The following SAMD14 variants were observed in gnomAD, a reference collection of about 807,000 sequenced individuals.
The protein encoded by SAMD14 is sterile alpha motif domain containing 14.
In SAMD14, 27 loss-of-function variants were observed where a neutral mutation model predicts 46.2. The observed-to-expected ratio is 0.58, with a 90% CI of 0.43 to 0.81. The LOEUF (loss-of-function observed/expected upper bound fraction) is 0.81, where lower values mean the gene tolerates loss of function less well. SAMD14 is among the 30% of genes least tolerant of loss of function. SAMD14 has a pLI of 0.00. For synonymous variants in SAMD14, 241 were observed against 254.3 expected, an observed-to-expected ratio of 0.95 and a Z score of 0.50; for missense variants, 559 against 582.2, an observed-to-expected ratio of 0.96 and a Z score of 0.41.
chr17:50,113,807 G>C, intron 9 of SAMD14, 117 bp downstream of exon 9: 1 of 1,266,438 alleles, frequency 7.9e-7, no homozygotes, highest in Non-Finnish European at 1.1e-6. Flanking sequence ...CAGATGGAGT[G>C]AAAAGGTCAG....
chr17:50,117,333 G>A, intron 4 of SAMD14, 74 bp downstream of exon 4: 1 of 1,246,640 alleles, frequency 8.0e-7, no homozygotes. Flanking sequence ...CGCGGCTGCG[G>A]TGCGCGCCGG....
intron 3 of SAMD14, 37 bp downstream of exon 3, chr17:50,118,123 TG>T: frequency 8.5e-7 from 1 of 1,179,304 alleles, no homozygotes. Context: ...GAGGGAGGGG[TG>T]GGAGGGTGTA....
At chr17:50,118,871 A>G (rs141806842) in intron 2 of SAMD14, among the ~76,000 whole-genome samples, 3 of 152,336 alleles carry the variant, frequency 2.0e-5, no homozygotes, top group African/African-American at 7.2e-5. Flanking sequence ...CGGTGGGGTT[A>G]GGACAGTTAC....
Position 50,124,942 on chromosome 17 carries a change from G to T in SAMD14, c.18C>A (p.Leu6=). MASSK[L]REPVDEVFDL... is the part of the protein sequence containing the mutation. ...CAAAAACTTCATCCACGGGTTCTCG[G>T]AGCTTTGAAGAAGCCATGACTCAAG... Residue 6 remains leucine (L), a synonymous_variant, in exon 2 of 10, where the codon CTC becomes CTA. Transcript: ENST00000330175. The T allele has an allele frequency of 6.2e-7, 1 of 1,614,084 alleles. No homozygotes were observed. The highest frequency in any genetic ancestry group is 1.1e-5 in the South Asian group (1 of 91,070).
At position 50,112,656 on chromosome 17, in the gene SAMD14, T is replaced by C; in HGVS notation, c.*237A>G. ...CTTCATCTGCTCCTCCCCCAGGAAC[T>C]CTGTGCCAAACAAGTCCTCAAAATA... On this transcript the variant is annotated 3_prime_UTR_variant, in exon 10 of 10. Coordinates refer to ENST00000330175, the MANE Select transcript of SAMD14 (RefSeq NM_001257359.2). 1 of 456,270 alleles carries C rather than the reference T, an allele frequency of 2.2e-6. No homozygotes were observed. The highest frequency in any genetic ancestry group is 3.9e-5 in the Admixed American group (1 of 25,608). The allele number at this position is 456,270 out of a possible 1,614,324, so 28.3% of individuals were successfully genotyped here. A position where few individuals can be genotyped will look rare whatever the true frequency, so the allele number is the denominator to read the frequency against.
At chr17:50,128,716 G>C (rs577391522) in intron 1 of SAMD14, among the ~76,000 whole-genome samples, 51 of 152,272 alleles carry the variant, frequency 3.3e-4, no homozygotes, top group African/African-American at 1.1e-3. Flanking sequence ...CCTGGGGAGG[G>C]AGCGGGAGCG....
At position 50,112,912 on chromosome 17, in the gene SAMD14, T is replaced by G; in HGVS notation, c.1235A>C (p.Gln412Pro). The change falls in exon 10 of 10, where the codon CAG becomes CCG. Residue 412 changes from glutamine to proline, a missense_variant. Physicochemically the swap from Gln to Pro is moderately conservative, Grantham distance 76. Transcript: ENST00000330175. ...RQREKLRRRE[Q>P]EAKKS is the part of the protein sequence containing the mutation. ...CCTCCCCTAGCTCTTCTTGGCCTCC[T>G]GCTCTCGGCGCCGGAGCTTCTCCCG... is the stretch of plus-strand genomic sequence containing the variant. The G allele has an allele frequency of 6.2e-7, 1 of 1,606,402 alleles. No individual in the cohort carries two copies. Among genetic ancestry groups the G allele is most frequent in the South Asian group, 1.1e-5 (1 of 91,074 alleles).
chr17:50,126,919 GT>G (rs1911804218), intron 1 of SAMD14, among the ~76,000 whole-genome samples: 1 of 151,578 alleles, frequency 6.6e-6, no homozygotes, highest in South Asian at 2.1e-4. Context: ...GGCCAACATG[GT>G]GAAACCCCGT....
At chr17:50,113,731 C>T in intron 9 of SAMD14, 193 bp downstream of exon 9, 1 of 617,688 alleles carries the variant, frequency 1.6e-6, no homozygotes, top group Non-Finnish European at 2.8e-6. Context: ...ACTAGGGATT[C>T]ATGCTACAAC....
chr17:50,122,050 G>A (rs944361143), intron 2 of SAMD14, among the ~76,000 whole-genome samples: 1 of 152,214 alleles, frequency 6.6e-6, no homozygotes, highest in African/African-American at 2.4e-5. Flanking sequence ...GGGATCAACT[G>A]AATTGCTTAT....
intron 2 of SAMD14, chr17:50,124,167 G>GC (rs1469432195): frequency 8.8e-6 from 4 of 456,054 alleles, no homozygotes; most frequent in African/African-American, 8.0e-5. Flanking sequence ...CCGGCTTTCC[G>GC]CCCCAGTGCA....
rs149885965 is a variant in SAMD14 at position 50,124,758 on chromosome 17, T to TGCACGCGCACAC, written c.43+158_43+159insGTGTGCGCGTGC. Among the ~76,000 whole-genome samples the TGCACGCGCACAC allele has an allele frequency of 3.8e-4, 32 of 85,064 alleles. No individual in the cohort carries two copies. The Admixed American group carries it at 4.5e-3, about 12-fold the overall frequency. The allele number at this position is 85,064 out of a possible 152,430, so 55.8% of individuals were successfully genotyped here. A position where few individuals can be genotyped will look rare whatever the true frequency, so the allele number is the denominator to read the frequency against. ...GGTCAGGCCACAATACCTGCACGCG[T>TGCACGCGCACAC]GCACGCGCGCGCGCACACACACACA... On this transcript the variant is annotated intron_variant, in intron 2 of 9. Coordinates refer to ENST00000330175, the MANE Select transcript of SAMD14 (RefSeq NM_001257359.2).
In SAMD14 at chr17:50,118,193, C is replaced by G. The variant is rs1229603237; in HGVS notation, c.178G>C (p.Asp60His). The change falls in exon 3 of 10, where the codon GAT becomes CAT. Residue 60 changes from aspartate to histidine, a missense_variant. Physicochemically the swap from Asp to His is moderately conservative, Grantham distance 81 (BLOSUM62 -1). Coordinates refer to ENST00000330175, the MANE Select transcript of SAMD14 (RefSeq NM_001257359.2). ...RLRDSASSAE[D>H]GEGSDGPGGK... ...CCGGGCCCATCCGAGCCTTCACCAT[C>G]CTCCGCGGAGCTGGCACTGTCCCGA... 6.2e-7 allele frequency: 1 copy of G among 1,608,618 alleles called. No homozygotes were observed. The highest frequency in any genetic ancestry group is 1.7e-5 in the Admixed American group (1 of 59,602).
Position 50,117,580 on chromosome 17 carries a change from A to G in SAMD14, c.326T>C (p.Leu109Pro), listed in dbSNP as rs1911281113. 6.4e-7 allele frequency: 1 copy of G among 1,553,026 alleles called. No homozygotes were observed. The highest frequency in any genetic ancestry group is 8.6e-7 in the Non-Finnish European group (1 of 1,159,634). The change falls in exon 4 of 10, where the codon CTG (leucine) becomes CCG (proline). Residue 109 changes from leucine (L) to proline (P), a missense_variant. Coordinates refer to ENST00000330175, the MANE Select transcript of SAMD14 (RefSeq NM_001257359.2). Reference sequence around the variant, plus strand: ...CGAGGGCGGCGGCTCGTCCTCGTCCAGGCTGCGCCGCAACCCCGGAGGATC... The same window carrying G: ...CGAGGGCGGCGGCTCGTCCTCGTCCGGGCTGCGCCGCAACCCCGGAGGATC... The part of the protein sequence containing the change: ...CLDPPGLRRS[L>P]DEDEPPPSPL...
rs1055082888 is a variant in SAMD14 at position 50,111,255 on chromosome 17, C to T, written c.*1638G>A. ...CCTGGTGACAGACCTGTTGTCCCAC[C>T]ATACTCAGGGCCCAGCAGAGTCCGG... is the stretch of plus-strand genomic sequence containing the variant. On this transcript the variant is annotated 3_prime_UTR_variant, in exon 10 of 10. Transcript: ENST00000330175. 3.3e-5 allele frequency: 5 copies of T among 152,306 alleles called. No homozygotes were observed. Among genetic ancestry groups the T allele is most frequent in the East Asian group, 1.9e-4 (1 of 5,194 alleles). 9.4% of individuals were successfully genotyped at this position (152,306 alleles called of 1,614,324 possible).
intron 4 of SAMD14, chr17:50,116,405 T>A: frequency 5.5e-6 from 1 of 181,510 alleles, no homozygotes. Flanking sequence ...GCCAACTTTT[T>A]TTTTTTTTTT....
Position 50,110,589 on chromosome 17 carries a change from C to T in SAMD14, c.*2304G>A, listed in dbSNP as rs937334316. 6.6e-6 allele frequency: 1 copy of T among 152,478 alleles called. No individual in the cohort carries two copies. Among genetic ancestry groups the T allele is most frequent in the East Asian group, 1.9e-4 (1 of 5,198 alleles). The allele number at this position is 152,478 out of a possible 1,614,324, so 9.4% of individuals were successfully genotyped here. On this transcript the variant is annotated 3_prime_UTR_variant, in exon 10 of 10. Transcript: ENST00000330175. Reference sequence around the variant, plus strand: ...GGACTGAGTGGGGAAAGGAGTTACACCCGTGAGTGGGGAATGAGGCTGGTC... The same window carrying T: ...GGACTGAGTGGGGAAAGGAGTTACATCCGTGAGTGGGGAATGAGGCTGGTC...
intron 2 of SAMD14, among the ~76,000 whole-genome samples, chr17:50,122,813 G>A (rs1049281854): frequency 6.6e-6 from 1 of 152,122 alleles, no homozygotes; most frequent in Non-Finnish European, 1.5e-5. Flanking sequence ...CTTGGGCTTG[G>A]AGCATCTGGG....
At chr17:50,120,397 T>A (rs1427744726) in intron 2 of SAMD14, among the ~76,000 whole-genome samples, 2 of 152,026 alleles carry the variant, frequency 1.3e-5, no homozygotes, top group Non-Finnish European at 2.9e-5. Context: ...GAATTCACAG[T>A]CTCTTAGACC....
Sources: gnomAD v4.1 joint callset for allele counts (sites outside exome capture counted in the v4.1 genomes callset) on GRCh38, gnomAD v4.1.1 for gene constraint, MANE v1.5 for transcripts, NCBI Gene and HGNC (gene_info 2026-07-23, HGNC 2026-07-21) for gene names.